Variants in DTX2 observed in about 807,000 individuals in gnomAD.
The protein encoded by DTX2 is probable E3 ubiquitin-protein ligase DTX2.
Under a neutral mutation model 55.3 loss-of-function variants are expected in DTX2, and 29 were observed. The ratio of observed to expected loss-of-function variants is 0.52; its 90% CI spans 0.39 to 0.71. The LOEUF is 0.71. DTX2 is among the 30% of genes least tolerant of loss of function. DTX2 has a pLI of 0.00. For missense variants in DTX2, 537 were observed against 822.5 expected, an observed-to-expected ratio of 0.65 and a Z score of 4.25; for synonymous variants, 276 against 340.4, an observed-to-expected ratio of 0.81 and a Z score of 2.08.
chr7:76,503,611 C>T, intron 9 of DTX2, 24 bp downstream of exon 9: 1 of 1,589,450 alleles, frequency 6.3e-7, no homozygotes, highest in Non-Finnish European at 8.6e-7. Context: ...TTGAGTCCCC[C>T]ACTCCTGGCC....
At chr7:76,498,104 C>T (rs1811123883) in intron 6 of DTX2, among the ~76,000 whole-genome samples, 1 of 152,252 alleles carries the variant, frequency 6.6e-6, no homozygotes, top group Non-Finnish European at 1.5e-5. Context: ...GAAGTGTGGA[C>T]TGTGGCCAGT....
rs1451493476 is a variant in DTX2 at position 76,472,307 on chromosome 7, A to G, written c.-89-8114A>G. On this transcript the variant is annotated intron_variant, in intron 2 of 10. Transcript: ENST00000430490. ...TTGGTTTATATTTATGACCTTTTAA[A>G]AGTGTTTGGCATTTTAAGGGAGGTT... Among the ~76,000 whole-genome samples, 38 of 120,278 alleles carry G rather than the reference A, an allele frequency of 3.2e-4. 1 individual carries two copies. The highest frequency in any genetic ancestry group is 6.6e-4 in the Non-Finnish European group (37 of 56,446). The allele number at this position is 120,278 out of a possible 152,430, so 78.9% of individuals were successfully genotyped here.
chr7:76,464,332 A>C lies in DTX2; in HGVS notation c.-90+623A>C, dbSNP rs538074033. Among the ~76,000 whole-genome samples the C allele has an allele frequency of 4.7e-5, 7 of 150,530 alleles. No homozygotes were observed. In the South Asian group the frequency reaches 1.5e-3, roughly 32 times the overall value. On this transcript the variant is annotated intron_variant, in intron 2 of 10. Transcript: ENST00000430490. ...TAAGTAGCTTAGTATGTAATAGAGG[A>C]GGCTGGAAAAGCAGGCAGAGGGCTC...
chr7:76,465,197 CAG>C (rs1018768955), intron 2 of DTX2, among the ~76,000 whole-genome samples: 5 of 144,700 alleles, frequency 3.5e-5, no homozygotes, highest in Non-Finnish European at 7.4e-5. Context: ...AAGGTGAGGA[CAG>C]GGGACCAAGT....
intron 7 of DTX2, among the ~76,000 whole-genome samples, 162 bp downstream of exon 7, chr7:76,500,682 C>A (rs1342278899): frequency 2.0e-5 from 3 of 151,564 alleles, no homozygotes; most frequent in African/African-American, 7.3e-5. Flanking sequence ...CTCCCGAGAC[C>A]CACATCGTTA....
chr7:76,482,968 C>G lies in DTX2; in HGVS notation c.729C>G (p.Ala243=). The G allele has an allele frequency of 6.2e-7, 1 of 1,613,830 alleles. No homozygotes were observed. Among genetic ancestry groups the G allele is most frequent in the Non-Finnish European group, 8.5e-7 (1 of 1,179,786 alleles). The change falls in exon 4 of 11, where the codon GCC becomes GCG. Residue 243 remains alanine, a synonymous_variant. Coordinates refer to ENST00000430490, the MANE Select transcript of DTX2 (RefSeq NM_001102594.3). ...CTTCTGTGTTTGGGACCCACCAGGC[C>G]TTTGCACCGTACAACAAACCCTCAC... ...RTASVFGTHQ[A]FAPYNKPSLS...
intron 2 of DTX2, chr7:76,478,316 A>G (rs1187523971): frequency 6.9e-6 from 1 of 144,820 alleles, no homozygotes; most frequent in East Asian, 2.1e-4. Context: ...GAAGGGTAAG[A>G]CCACCTTCCC....
chr7:76,495,466 G>A (rs548128521), intron 5 of DTX2, among the ~76,000 whole-genome samples: 1 of 152,160 alleles, frequency 6.6e-6, no homozygotes, highest in Non-Finnish European at 1.5e-5. Flanking sequence ...TCAGGAGTTT[G>A]GGGGGCTGTC....
intron 2 of DTX2, among the ~76,000 whole-genome samples, chr7:76,468,447 CATTTT>C (rs1563721062): frequency 0.096 from 7,367 of 77,026 alleles, 76 homozygotes; most frequent in East Asian, 0.22. Flanking sequence ...GGCCCACTGC[CATTTT>C]TTTTTTTTTT....
intron 6 of DTX2, among the ~76,000 whole-genome samples, chr7:76,499,433 C>G (rs1811386638): frequency 2.0e-5 from 3 of 151,852 alleles, no homozygotes; most frequent in Non-Finnish European, 2.9e-5. Flanking sequence ...AAAGGGAGTT[C>G]AGCAGGTGCA....
At chr7:76,471,250 T>C (rs888629578) in intron 2 of DTX2, among the ~76,000 whole-genome samples, 8 of 135,278 alleles carry the variant, frequency 5.9e-5, no homozygotes, top group African/African-American at 2.2e-4. Context: ...CAAACTCCAC[T>C]TCCTGGGTTC....
intron 4 of DTX2, among the ~76,000 whole-genome samples, chr7:76,486,915 C>G (rs1335919065): frequency 6.9e-5 from 9 of 131,256 alleles, no homozygotes; most frequent in Non-Finnish European, 1.5e-4. Flanking sequence ...CTCACTTCCT[C>G]TTCCTCCTGC....
chr7:76,470,860 A>G, intron 2 of DTX2: 1 of 484,802 alleles, frequency 2.1e-6, no homozygotes, highest in Non-Finnish European at 3.5e-6. Context: ...GCCACCAGGA[A>G]GAAAGCTTGC....
At chr7:76,498,482 G>A (rs1811187017) in intron 6 of DTX2, among the ~76,000 whole-genome samples, 1 of 146,724 alleles carries the variant, frequency 6.8e-6, no homozygotes, top group African/African-American at 2.5e-5. Flanking sequence ...CGCTCTTGGT[G>A]GGTCGCCTGG....
chr7:76,482,759 C>T lies in DTX2; in HGVS notation c.520C>T (p.Arg174Cys), dbSNP rs138102519. 85 of 1,613,746 alleles carry T rather than the reference C, an allele frequency of 5.3e-5. No individual in the cohort carries two copies. The highest frequency in any genetic ancestry group is 7.0e-5 in the Non-Finnish European group (82 of 1,179,842). ...TTCCAGCTTCTGCCGCAGCGTGCGG[C>T]GCCAAGCAGGGCCGCCTTACCCGGT... ...KTSSFCRSVR[R>C]QAGPPYPVTT... Residue 174 changes from arginine to cysteine, a missense_variant, in exon 4 of 11, where the codon CGC (arginine) becomes TGC (cysteine). By Grantham distance (180) the Arg-to-Cys change is radical. Coordinates refer to ENST00000430490, the MANE Select transcript of DTX2 (RefSeq NM_001102594.3).
At chr7:76,491,098 A>G (rs1213167779) in intron 4 of DTX2, among the ~76,000 whole-genome samples, 1 of 144,630 alleles carries the variant, frequency 6.9e-6, no homozygotes, top group Non-Finnish European at 1.5e-5. Context: ...CCGAGGTTCA[A>G]GTGATTCTCC....
At chr7:76,479,673 C>T (rs529070168) in intron 2 of DTX2, among the ~76,000 whole-genome samples, 98 of 149,966 alleles carry the variant, frequency 6.5e-4, no homozygotes, top group Non-Finnish European at 9.2e-4. Flanking sequence ...CCTAGCTACT[C>T]GGGAGGCTGA....
rs968747176 is a variant in DTX2, at chr7:76,482,898, A to G, written c.659A>G (p.Asn220Ser). The stretch of plus-strand genomic sequence containing the variant: ...GGCCGCTACCGCCACTCCATGACCA[A>G]CCTCCCTGCATACCCCGTCCCCCAG... ...VSGRYRHSMT[N>S]LPAYPVPQHP... The change falls in exon 4 of 11, where the codon AAC becomes AGC. Residue 220 changes from asparagine (N) to serine (S), a missense_variant. Physicochemically the swap from Asn to Ser is conservative, Grantham distance 46. Coordinates refer to ENST00000430490, the MANE Select transcript of DTX2 (RefSeq NM_001102594.3). 1.1e-5 allele frequency: 18 copies of G among 1,612,698 alleles called. No homozygotes were observed. The African/African-American group carries it at 1.3e-4, about 12-fold the overall frequency.
chr7:76,503,447 T>C lies in DTX2; in HGVS notation c.1411T>C (p.Ser471Pro), dbSNP rs376942434. The C allele has an allele frequency of 1.9e-6, 3 of 1,612,764 alleles. No homozygotes were observed. Among genetic ancestry groups the C allele is most frequent in the Non-Finnish European group, 2.5e-6 (3 of 1,179,882 alleles). Reference protein sequence around the residue: ...GNKDGSLQCPSCKTIYGEKTG... With the variant: ...GNKDGSLQCPPCKTIYGEKTG... ...TCAGGATGGAAGTCTGCAGTGTCCCTCCTGCAAAACCATCTATGGAGAGAA... is the reference window on the plus strand; with the variant it reads ...TCAGGATGGAAGTCTGCAGTGTCCCCCCTGCAAAACCATCTATGGAGAGAA... The change falls in exon 9 of 11, where the codon TCC becomes CCC. Residue 471 changes from serine to proline, a missense_variant. By Grantham distance (74) the Ser-to-Pro change is moderately conservative. Transcript: ENST00000430490.
Sources: allele counts gnomAD v4.1 joint callset (sites outside exome capture counted in the v4.1 genomes callset), GRCh38; gene constraint gnomAD v4.1.1; transcripts MANE v1.5; gene names NCBI Gene and HGNC (gene_info 2026-07-23, HGNC 2026-07-21).